Variants in CNIH4 observed in about 807,000 individuals in gnomAD.
CNIH4 encodes protein cornichon homolog 4.
A neutral mutation model predicts 21.5 loss-of-function variants in CNIH4; 9 were observed. That is an observed-to-expected ratio of 0.42 (90% CI 0.25 to 0.73). The LOEUF is 0.73. CNIH4 is among the 30% of genes least tolerant of loss of function. The pLI is 0.27. For missense variants in CNIH4, 159 were observed against 170.0 expected (o/e 0.94, Z 0.36); for synonymous variants, 67 against 59.1 (o/e 1.13, Z -0.61).
rs1672798022 is a variant in CNIH4, at chr1:224,376,945, G to C, written c.*1123G>C. The C allele has an allele frequency of 3.1e-6, 3 of 978,702 alleles. No homozygotes were observed. The highest frequency in any genetic ancestry group is 3.6e-6 in the Non-Finnish European group (3 of 823,786). The allele number at this position is 978,702 out of a possible 1,614,324, so 60.6% of individuals were successfully genotyped here. On this transcript the variant is annotated 3_prime_UTR_variant, in exon 5 of 5. Coordinates refer to ENST00000465271, the MANE Select transcript of CNIH4 (RefSeq NM_014184.4). Reference sequence around the variant, plus strand: ...ACTGGCATTTGGGCAAAACATGACTGTGTTCTGTGGGAGAATCCAAAGGCA... The same window carrying C: ...ACTGGCATTTGGGCAAAACATGACTCTGTTCTGTGGGAGAATCCAAAGGCA...
At chr1:224,367,027 G>A (rs11803414) in intron 3 of CNIH4, among the ~76,000 whole-genome samples, 28,151 of 151,776 alleles carry the variant, frequency 0.19, 2,846 homozygotes, top group Middle Eastern at 0.23. Flanking sequence ...ATAAATTTAG[G>A]AAGTTTGTTC....
intron 3 of CNIH4, among the ~76,000 whole-genome samples, chr1:224,369,280 G>C (rs1417517072): frequency 2.6e-5 from 4 of 152,138 alleles, no homozygotes; most frequent in Non-Finnish European, 5.9e-5. Flanking sequence ...AATTATTCCT[G>C]TGTGTTTTAG....
chr1:224,366,187 G>A (rs61278437), intron 3 of CNIH4, among the ~76,000 whole-genome samples, 196 bp downstream of exon 3: 2 of 151,432 alleles, frequency 1.3e-5, no homozygotes, highest in Non-Finnish European at 2.9e-5. Flanking sequence ...GACTACAGGC[G>A]TGCACCACCA....
Position 224,376,085 on chromosome 1 carries a change from T to A in CNIH4, c.*263T>A. 1 of 1,183,568 alleles carries A rather than the reference T, an allele frequency of 8.4e-7. No individual in the cohort carries two copies. Among genetic ancestry groups the A allele is most frequent in the Non-Finnish European group, 1.0e-6 (1 of 954,384 alleles). The allele number at this position is 1,183,568 out of a possible 1,614,324, so 73.3% of individuals were successfully genotyped here. On this transcript the variant is annotated 3_prime_UTR_variant, in exon 5 of 5. Coordinates refer to ENST00000465271, the MANE Select transcript of CNIH4 (RefSeq NM_014184.4). ...TCCTCTGTATGTTGAAGGTGGTTAT[T>A]TGTATGTAGGAACAGGACTGCCATC...
chr1:224,376,572 C>T lies in CNIH4; in HGVS notation c.*750C>T, dbSNP rs1325518029. 5.1e-6 allele frequency: 5 copies of T among 985,278 alleles called. No homozygotes were observed. The highest frequency in any genetic ancestry group is 1.2e-6 in the Non-Finnish European group (1 of 829,934). The allele number at this position is 985,278 out of a possible 1,614,324, so 61.0% of individuals were successfully genotyped here. A position where few individuals can be genotyped will look rare whatever the true frequency, so the allele number is the denominator to read the frequency against. ...GTTATTCCAATTGTATTTGATCTCC[C>T]TGATAACGTATTTTCATGGGTTTGG... is the stretch of plus-strand genomic sequence containing the variant. On this transcript the variant is annotated 3_prime_UTR_variant, in exon 5 of 5. Transcript: ENST00000465271.
chr1:224,366,053 T>C (rs1672442730), intron 3 of CNIH4, 62 bp downstream of exon 3: 3 of 1,066,712 alleles, frequency 2.8e-6, no homozygotes, highest in Non-Finnish European at 4.4e-6. Flanking sequence ...AAAGTTGTGT[T>C]TTTTTCAAGA....
chr1:224,364,021 G>A, intron 2 of CNIH4: 3 of 984,466 alleles, frequency 3.0e-6, no homozygotes, highest in Non-Finnish European at 3.6e-6. Flanking sequence ...TCGTTAAGGA[G>A]GGAAGAGACA....
In CNIH4 at chr1:224,376,253, C is replaced by T. The variant is rs961085314; in HGVS notation, c.*431C>T. The T allele has an allele frequency of 3.0e-6, 3 of 987,846 alleles. No individual in the cohort carries two copies. The highest frequency in any genetic ancestry group is 1.7e-5 in the African/African-American group (1 of 57,444). The allele number at this position is 987,846 out of a possible 1,614,324, so 61.2% of individuals were successfully genotyped here. Reference sequence around the variant, plus strand: ...ATCTGGACAAAAGAAGAAAAATTACCCTTTTTGCTTGTGTTGTGACAACTT... The same window carrying T: ...ATCTGGACAAAAGAAGAAAAATTACTCTTTTTGCTTGTGTTGTGACAACTT... On this transcript the variant is annotated 3_prime_UTR_variant, in exon 5 of 5. Coordinates refer to ENST00000465271, the MANE Select transcript of CNIH4 (RefSeq NM_014184.4).
chr1:224,375,146 G>A (rs1395990207), intron 4 of CNIH4, among the ~76,000 whole-genome samples: 2 of 152,180 alleles, frequency 1.3e-5, no homozygotes, highest in Non-Finnish European at 2.9e-5. Context: ...TACGGTAAAA[G>A]CTTGGAACTT....
rs1231573763 is a variant in CNIH4, at chr1:224,377,959, T to C, written c.*2137T>C. ...TATAACAGAGGTCAAAGCTCCTTAC[T>C]TCTGAAACATTAGCTGTGGTTAAAA... On this transcript the variant is annotated 3_prime_UTR_variant, in exon 5 of 5. Coordinates refer to ENST00000465271, the MANE Select transcript of CNIH4 (RefSeq NM_014184.4). The C allele has an allele frequency of 6.6e-6, 1 of 152,208 alleles. No homozygotes were observed. Among genetic ancestry groups the C allele is most frequent in the Non-Finnish European group, 1.5e-5 (1 of 68,038 alleles). The allele number at this position is 152,208 out of a possible 1,614,324, so 9.4% of individuals were successfully genotyped here.
chr1:224,358,327 A>G (rs971416464), intron 1 of CNIH4, among the ~76,000 whole-genome samples: 1 of 152,192 alleles, frequency 6.6e-6, no homozygotes, highest in Non-Finnish European at 1.5e-5. Context: ...ACCCTCCCCA[A>G]TTGAGCAGCA....
At chr1:224,374,537 C>A (rs1360633827) in intron 4 of CNIH4, among the ~76,000 whole-genome samples, 1 of 152,060 alleles carries the variant, frequency 6.6e-6, no homozygotes, top group Non-Finnish European at 1.5e-5. Context: ...GCTTCAGCCT[C>A]CCGTGTAGCT....
At chr1:224,366,485 A>G (rs1037231299) in intron 3 of CNIH4, among the ~76,000 whole-genome samples, 2 of 151,524 alleles carry the variant, frequency 1.3e-5, no homozygotes, top group African/African-American at 2.4e-5. Context: ...CTGAGTAGCT[A>G]GGATTCAGGT....
chr1:224,374,457 C>T (rs544465278), intron 4 of CNIH4, among the ~76,000 whole-genome samples: 1 of 148,898 alleles, frequency 6.7e-6, no homozygotes, highest in South Asian at 2.1e-4. Context: ...CTCTGTCCCC[C>T]AGGCTGGAGT....
chr1:224,359,683 G>A (rs1449720771), intron 1 of CNIH4, among the ~76,000 whole-genome samples: 2 of 152,120 alleles, frequency 1.3e-5, no homozygotes, highest in Non-Finnish European at 2.9e-5. Context: ...CGATTCTCCT[G>A]CCTCAGCCTC....
chr1:224,371,191 T>A (rs1182427356), intron 3 of CNIH4, 92 bp from the exon 4 acceptor site: 1 of 1,395,446 alleles, frequency 7.2e-7, no homozygotes, highest in Non-Finnish European at 9.9e-7. Flanking sequence ...TGGTTCACTT[T>A]TAAAAGTCGA....
intron 3 of CNIH4, among the ~76,000 whole-genome samples, chr1:224,367,926 G>A (rs1672513628): frequency 6.6e-6 from 1 of 152,220 alleles, no homozygotes; most frequent in African/African-American, 2.4e-5. Flanking sequence ...TGTTATACCA[G>A]ACCATACTGT....
At chr1:224,371,178 G>C in intron 3 of CNIH4, 105 bp from the exon 4 acceptor site, 2 of 1,237,086 alleles carry the variant, frequency 1.6e-6, no homozygotes, top group Non-Finnish European at 2.3e-6. Flanking sequence ...TACTGGGCCT[G>C]ATTGGTTCAC....
rs1672855053 is a variant in CNIH4, at chr1:224,379,214, C to A, written c.*3392C>A. 1 of 972,908 alleles carries A rather than the reference C, an allele frequency of 1.0e-6. No individual in the cohort carries two copies. The highest frequency in any genetic ancestry group is 1.6e-6 in the Non-Finnish European group (1 of 627,654). 60.3% of individuals were successfully genotyped at this position (972,908 alleles called of 1,614,324 possible). ...TGCCACAGACTACAGTAGGACAAAACCTGACCTGGTCTTTGAAGTTAAGAG... is the reference window on the plus strand; with the variant it reads ...TGCCACAGACTACAGTAGGACAAAAACTGACCTGGTCTTTGAAGTTAAGAG... On this transcript the variant is annotated 3_prime_UTR_variant, in exon 5 of 5. Coordinates refer to ENST00000465271, the MANE Select transcript of CNIH4 (RefSeq NM_014184.4).
Sources: gnomAD v4.1 joint callset for allele counts (sites outside exome capture counted in the v4.1 genomes callset) on GRCh38, gnomAD v4.1.1 for gene constraint, MANE v1.5 for transcripts, NCBI Gene and HGNC (gene_info 2026-07-23, HGNC 2026-07-21) for gene names.